The following ASTN2 variants were observed in gnomAD, a reference collection of about 807,000 sequenced individuals.
ASTN2 encodes astrotactin 2.
Under a neutral mutation model 139.8 loss-of-function variants are expected in ASTN2, and 54 were observed. The ratio of observed to expected loss-of-function variants is 0.39; its 90% confidence interval spans 0.31 to 0.48. The LOEUF is 0.48. Among genes scored for constraint, ASTN2 ranks in the 20% least tolerant of loss-of-function variants. ASTN2 has a pLI of 0.95. For missense variants in ASTN2, 1,565 were observed against 1,725.1 expected, an observed-to-expected ratio of 0.91 and a Z score of 1.64; for synonymous variants, 756 against 719.5, an observed-to-expected ratio of 1.05 and a Z score of -0.81.
At chr9:117,372,601 C>A (rs545376906) in intron 1 of ASTN2, among the ~76,000 whole-genome samples, 2 of 152,140 alleles carry the variant, frequency 1.3e-5, no homozygotes, top group Non-Finnish European at 2.9e-5. Flanking sequence ...CAAAATGTTA[C>A]AAGAATTAAA....
intron 7 of ASTN2, among the ~76,000 whole-genome samples, chr9:116,982,670 A>T (rs1438441558): frequency 6.6e-6 from 1 of 151,946 alleles, no homozygotes; most frequent in Non-Finnish European, 1.5e-5. Flanking sequence ...GGCTCAAGAG[A>T]TCCTCTTGCC....
chr9:117,089,616 G>T (rs1218180980), intron 5 of ASTN2, among the ~76,000 whole-genome samples: 1 of 151,566 alleles, frequency 6.6e-6, no homozygotes, highest in East Asian at 1.9e-4. Flanking sequence ...TGAGATTTTG[G>T]TTCACCCATC....
At chr9:116,796,932 C>T (rs1017509623) in intron 13 of ASTN2, among the ~76,000 whole-genome samples, 2 of 152,082 alleles carry the variant, frequency 1.3e-5, no homozygotes, top group Non-Finnish European at 2.9e-5. Context: ...CCACCTCAGC[C>T]TCTCAAGTAG....
At chr9:116,493,448 G>T (rs1394388575) in intron 19 of ASTN2, among the ~76,000 whole-genome samples, 1 of 152,072 alleles carries the variant, frequency 6.6e-6, no homozygotes. Context: ...AGTGGGCTGG[G>T]GCCAGACCCC....
At chr9:117,282,615 A>T (rs1834352181) in intron 2 of ASTN2, among the ~76,000 whole-genome samples, 1 of 135,428 alleles carries the variant, frequency 7.4e-6, no homozygotes, top group African/African-American at 3.9e-5. Context: ...TGGCCATGTG[A>T]TGTGCTTTGG....
At chr9:116,755,615 A>C (rs945358229) in intron 13 of ASTN2, among the ~76,000 whole-genome samples, 1 of 152,210 alleles carries the variant, frequency 6.6e-6, no homozygotes, top group African/African-American at 2.4e-5. Flanking sequence ...TGCTTAACCC[A>C]TCCAGTTGGT....
At chr9:116,884,960 C>T (rs550592862) in intron 10 of ASTN2, among the ~76,000 whole-genome samples, 7 of 151,822 alleles carry the variant, frequency 4.6e-5, no homozygotes, top group South Asian at 2.1e-4. Flanking sequence ...GGATTACAGG[C>T]GCCCGCCACT....
intron 3 of ASTN2, among the ~76,000 whole-genome samples, chr9:117,156,171 C>G (rs945574604): frequency 7.9e-5 from 12 of 151,986 alleles, no homozygotes; most frequent in African/African-American, 2.9e-4. Flanking sequence ...TAGCTGCACC[C>G]CAGGCTCCAC....
In ASTN2 at chr9:117,018,574, C is replaced by T. The variant is rs191486175; in HGVS notation, c.1424-10315G>A. On this transcript the variant is annotated intron_variant, in intron 6 of 22. Coordinates refer to ENST00000313400, the MANE Select transcript of ASTN2 (RefSeq NM_001365068.1). ...CTCTAGATCTCTTCCTTTCTACTCT[C>T]TTCTGTCTGGAATTGGCTTCACTGG... 8.6e-3 allele frequency among the ~76,000 whole-genome samples: 1,305 copies of T among 152,232 alleles called. 7 individuals carry two copies. The highest frequency in any genetic ancestry group is 9.9e-3 in the Non-Finnish European group (671 of 68,014).
intron 1 of ASTN2, among the ~76,000 whole-genome samples, chr9:117,370,362 C>G (rs929160318): frequency 1.1e-4 from 16 of 152,172 alleles, no homozygotes; most frequent in African/African-American, 3.9e-4. Flanking sequence ...CCCAGCAATG[C>G]CTCGGTGAAC....
chr9:116,488,040 T>C (rs926403512), intron 19 of ASTN2, among the ~76,000 whole-genome samples: 2 of 152,164 alleles, frequency 1.3e-5, no homozygotes, highest in African/African-American at 4.8e-5. Flanking sequence ...AGTAAAGAGT[T>C]CTGTGATTGA....
intron 10 of ASTN2, among the ~76,000 whole-genome samples, chr9:116,966,652 G>A (rs1836018318): frequency 6.6e-6 from 1 of 151,642 alleles, no homozygotes; most frequent in Admixed American, 6.6e-5. Flanking sequence ...CCACCTGGGA[G>A]GAAGTGTGGT....
chr9:116,868,460 G>A (rs73658706), intron 10 of ASTN2, among the ~76,000 whole-genome samples: 244 of 152,238 alleles, frequency 1.6e-3, no homozygotes, highest in African/African-American at 5.6e-3. Flanking sequence ...AAGAATGTGT[G>A]TTCAATCTCT....
At chr9:116,664,436 T>G (rs1375073974) in intron 16 of ASTN2, among the ~76,000 whole-genome samples, 1 of 148,170 alleles carries the variant, frequency 6.7e-6, no homozygotes, top group African/African-American at 2.4e-5. Flanking sequence ...TATATATATA[T>G]GTATATGTAT....
At chr9:116,434,323 T>C (rs565535415) in intron 22 of ASTN2, among the ~76,000 whole-genome samples, 1 of 152,350 alleles carries the variant, frequency 6.6e-6, no homozygotes, top group South Asian at 2.1e-4. Flanking sequence ...AGTCTGCTCT[T>C]GTTCCCAATA....
chr9:117,210,654 C>A (rs991540325), intron 3 of ASTN2, among the ~76,000 whole-genome samples: 2 of 151,970 alleles, frequency 1.3e-5, no homozygotes, highest in Non-Finnish European at 2.9e-5. Context: ...ACAATTCTCC[C>A]AAAACTATTT....
chr9:116,834,671 A>T (rs1169568969), intron 11 of ASTN2, among the ~76,000 whole-genome samples: 1 of 152,210 alleles, frequency 6.6e-6, no homozygotes, highest in Non-Finnish European at 1.5e-5. Context: ...ATTATAAGCA[A>T]TGTGAATTTC....
intron 10 of ASTN2, among the ~76,000 whole-genome samples, chr9:116,918,740 T>G (rs1448816020): frequency 6.6e-6 from 1 of 152,186 alleles, no homozygotes; most frequent in Non-Finnish European, 1.5e-5. Context: ...GTAATAAACA[T>G]GGAACATGCT....
At chr9:116,883,211 C>G (rs1159537139) in intron 10 of ASTN2, among the ~76,000 whole-genome samples, 2 of 152,142 alleles carry the variant, frequency 1.3e-5, no homozygotes, top group African/African-American at 4.8e-5. Flanking sequence ...AGTTTAAAAT[C>G]ATGATTTCTA....
Sources: allele counts gnomAD v4.1 joint callset (sites outside exome capture counted in the v4.1 genomes callset), GRCh38; gene constraint gnomAD v4.1.1; transcripts MANE v1.5; gene names NCBI Gene and HGNC (gene_info 2026-07-23, HGNC 2026-07-21).